Variants in CIITA observed in about 807,000 individuals in gnomAD.
The protein encoded by CIITA is class II major histocompatibility complex transactivator, also known as MHC class II transactivator.
In CIITA, 72 loss-of-function variants were observed where a neutral mutation model predicts 115.1. That is an observed-to-expected ratio of 0.63 (90% CI 0.52 to 0.76). The LOEUF is 0.76. Ranked by LOEUF, CIITA falls within the 30% of genes least tolerant of loss-of-function variation. The pLI, the probability that CIITA is intolerant of heterozygous loss-of-function variation, is 0.00. For synonymous variants in CIITA, 763 were observed against 635.6 expected, an observed-to-expected ratio of 1.20 and a Z score of -3.02; for missense variants, 1,617 against 1,463.8, an observed-to-expected ratio of 1.10 and a Z score of -1.71.
At chr16:10,882,930 C>G (rs551576020) in intron 1 of CIITA, among the ~76,000 whole-genome samples, 179 of 152,240 alleles carry the variant, frequency 1.2e-3, no homozygotes, top group Middle Eastern at 6.8e-3. Flanking sequence ...GATTCCTGGG[C>G]CCGGCTGCAG....
chr16:10,884,881 C>A (rs2036777209), intron 1 of CIITA, among the ~76,000 whole-genome samples: 1 of 151,916 alleles, frequency 6.6e-6, no homozygotes, highest in South Asian at 2.1e-4. Flanking sequence ...AGAAAAAGAC[C>A]CTACTGTACA....
In CIITA at chr16:10,928,091, TTGAGGGCAAG is replaced by T. The variant is rs1250019319; in HGVS notation, c.*4239_*4248del. 3 of 152,196 alleles carry T rather than the reference TTGAGGGCAAG, an allele frequency of 2.0e-5. No homozygotes were observed. Among genetic ancestry groups the T allele is most frequent in the Non-Finnish European group, 4.4e-5 (3 of 68,052 alleles). 9.4% of individuals were successfully genotyped at this position (152,196 alleles called of 1,614,324 possible). A position where few individuals can be genotyped will look rare whatever the true frequency, so the allele number is the denominator to read the frequency against. ...GTAGCTTTTCTTTCTTTAGCATCAC[TTGAGGGCAAG>T]TGGTGCTCCAACTGTCTCCCCCCAG... On this transcript the variant is annotated 3_prime_UTR_variant, in exon 20 of 20. Transcript: ENST00000324288.
Position 10,941,434 on chromosome 16 carries a change from T to G in CIITA, n.560T>G. ...GGCTTAAGAGGAGTCTGGCCATTCCTGGCATCCAGTTAGACCTGGAGGAGG... is the reference window on the plus strand; with the variant it reads ...GGCTTAAGAGGAGTCTGGCCATTCCGGGCATCCAGTTAGACCTGGAGGAGG... On this transcript the variant is annotated non_coding_transcript_exon_variant, in exon 2 of 2. Coordinates refer to the CIITA transcript ENST00000573379. This position sits in a 1 kb window ranked among gnomAD's most constrained non-coding sequence, Gnocchi z 6.4. The G allele has an allele frequency of 1.1e-6, 1 of 870,700 alleles. No homozygotes were observed. 53.9% of individuals were successfully genotyped at this position (870,700 alleles called of 1,614,324 possible).
At chr16:10,916,505 G>A in intron 15 of CIITA, 46 bp downstream of exon 15, 7 of 1,529,334 alleles carry the variant, frequency 4.6e-6, no homozygotes, top group Non-Finnish European at 6.3e-6. Flanking sequence ...GGCCCCCAAA[G>A]TCCGGCTGAC....
chr16:10,886,538 T>C (rs1175530046), intron 1 of CIITA, among the ~76,000 whole-genome samples: 1 of 152,176 alleles, frequency 6.6e-6, no homozygotes, highest in Non-Finnish European at 1.5e-5. Context: ...TATCCTTAGA[T>C]ATTCTACATG....
At chr16:10,887,541 G>A (rs1800753014) in intron 1 of CIITA, among the ~76,000 whole-genome samples, 1 of 151,654 alleles carries the variant, frequency 6.6e-6, no homozygotes, top group Non-Finnish European at 1.5e-5. Context: ...TGTCACCGAG[G>A]CTGGAGTGCA....
At chr16:10,871,069 T>G (rs895643448) in intron 1 of CIITA, among the ~76,000 whole-genome samples, 5 of 152,224 alleles carry the variant, frequency 3.3e-5, no homozygotes, top group African/African-American at 1.2e-4. Context: ...ACAGCCTGAG[T>G]GCCTGTCCTG....
intron 16 of CIITA, among the ~76,000 whole-genome samples, chr16:10,919,224 C>T (rs907896702): frequency 3.3e-5 from 5 of 152,074 alleles, no homozygotes; most frequent in Non-Finnish European, 5.9e-5. Flanking sequence ...GATGGAGTCT[C>T]GCTCTGTCAC....
At chr16:10,898,875 T>C (rs2038416822) in intron 4 of CIITA, 50 bp from the exon 5 acceptor site, 2 of 1,608,722 alleles carry the variant, frequency 1.2e-6, no homozygotes, top group African/African-American at 2.7e-5. Context: ...GAGACTCACC[T>C]TGGGCTTTCA....
downstream of CIITA, chr16:10,940,384 G>A (rs1008699279): frequency 9.9e-5 from 15 of 152,272 alleles, no homozygotes; most frequent in Admixed American, 9.8e-4. The surrounding 1 kb of genome is among the most constrained non-coding windows in gnomAD (Gnocchi z 4.2). Flanking sequence ...GACACCCTCT[G>A]CCTGTGGTTG....
chr16:10,891,739 A>C (rs1321036385), intron 1 of CIITA, among the ~76,000 whole-genome samples: 1 of 152,190 alleles, frequency 6.6e-6, no homozygotes, highest in East Asian at 1.9e-4. Flanking sequence ...TCCCTGACCA[A>C]GGGGCTGGGA....
chr16:10,908,213 A>G, intron 11 of CIITA, 64 bp downstream of exon 11: 1 of 1,530,312 alleles, frequency 6.5e-7, no homozygotes, highest in Non-Finnish European at 8.9e-7. Flanking sequence ...TCTTGGTGCC[A>G]AGCCCAGTGC....
In CIITA at chr16:10,934,981, C is replaced by G. The variant is rs549408463; in HGVS notation, c.*11126C>G. The G allele has an allele frequency of 6.6e-6, 1 of 152,390 alleles. No homozygotes were observed. Among genetic ancestry groups the G allele is most frequent in the South Asian group, 2.1e-4 (1 of 4,824 alleles). The allele number at this position is 152,390 out of a possible 1,614,324, so 9.4% of individuals were successfully genotyped here. A position where few individuals can be genotyped will look rare whatever the true frequency, so the allele number is the denominator to read the frequency against. ...AGGGGGAAGGCTTCCTGGGCTAGAG[C>G]CCCTTCAGGGTCTGACACGCCATTG... On this transcript the variant is annotated 3_prime_UTR_variant, in exon 20 of 20. Transcript: ENST00000324288. The surrounding 1 kb of genome is among the most constrained non-coding windows in gnomAD (Gnocchi z 4.2).
rs992202759 is a variant in CIITA, at chr16:10,916,517, T to G, written c.3062+58T>G. 2.1e-6 allele frequency: 3 copies of G among 1,444,188 alleles called. No individual in the cohort carries two copies. The East Asian group carries it at 7.3e-5, about 35-fold the overall frequency. 89.5% of individuals were successfully genotyped at this position (1,444,188 alleles called of 1,614,324 possible). On this transcript the variant is annotated intron_variant, in intron 15 of 19. Transcript: ENST00000324288. ...TCGGGCCCCCAAAGTCCGGCTGACT[T>G]TTTCAAAATTAATTTAAATTTGTTT...
At chr16:10,891,925 C>G (rs1383512926) in intron 1 of CIITA, among the ~76,000 whole-genome samples, 1 of 152,184 alleles carries the variant, frequency 6.6e-6, no homozygotes, top group Non-Finnish European at 1.5e-5. Context: ...ACAAGTGGGC[C>G]CAGCCAGTGC....
chr16:10,877,601 C>T (rs1435522470), intron 1 of CIITA, among the ~76,000 whole-genome samples: 1 of 152,178 alleles, frequency 6.6e-6, no homozygotes, highest in Non-Finnish European at 1.5e-5. Context: ...GAGTATGAAC[C>T]ATGTATCAGC....
At position 10,901,168 on chromosome 16, in the gene CIITA, A is replaced by G. The variant is rs1020037424; in HGVS notation, c.437-346A>G. On this transcript the variant is annotated intron_variant, in intron 5 of 19. Transcript: ENST00000324288. The surrounding 1 kb of genome is among the most constrained non-coding windows in gnomAD (Gnocchi z 6.8). ...ACCACCCCCATTTCATAGATGTGAG[A>G]TCAAAGGTTCAGAGAAGCTGCATTG... Among the ~76,000 whole-genome samples the G allele has an allele frequency of 6.6e-6, 1 of 152,200 alleles. No individual in the cohort carries two copies. Among genetic ancestry groups the G allele is most frequent in the African/African-American group, 2.4e-5 (1 of 41,446 alleles).
rs1777702788 is a variant in CIITA at position 10,902,273 on chromosome 16, G to C, written c.628+89G>C. The C allele has an allele frequency of 4.5e-6, 7 of 1,544,820 alleles. No individual in the cohort carries two copies. The Admixed American group carries it at 9.0e-5, about 20-fold the overall frequency. On this transcript the variant is annotated intron_variant, in intron 7 of 19. Coordinates refer to ENST00000324288, the MANE Select transcript of CIITA (RefSeq NM_000246.4). ...ACTAAGGCAGGGACTGTCAGGAACT[G>C]GACCTCACCTCTCCCCAACCCTATC...
At position 10,916,609 on chromosome 16, in the gene CIITA, T is replaced by C. The variant is rs2039966463; in HGVS notation, c.3062+150T>C. 5.5e-6 allele frequency: 4 copies of C among 724,618 alleles called. No individual in the cohort carries two copies. In the Admixed American group the frequency reaches 8.3e-5, roughly 15 times the overall value. 44.9% of individuals were successfully genotyped at this position (724,618 alleles called of 1,614,324 possible). On this transcript the variant is annotated intron_variant, in intron 15 of 19. Transcript: ENST00000324288. ...GTGCTATGATCATACCTCTGCAGCC[T>C]TGAACTCCTGGCCTCAAGGAATCTC...
Sources: allele counts gnomAD v4.1 joint callset (sites outside exome capture counted in the v4.1 genomes callset), GRCh38; gene constraint gnomAD v4.1.1; non-coding constraint Gnocchi (gnomAD v3.1); transcripts MANE v1.5; gene names NCBI Gene and HGNC (gene_info 2026-07-23, HGNC 2026-07-21).